The following SNX2 variants were observed in gnomAD, a reference collection of about 807,000 sequenced individuals.
SNX2 encodes the protein sorting nexin 2.
SNX2 carries 25 observed loss-of-function variants against 69.9 expected under a neutral mutation model. That is an observed-to-expected ratio of 0.36 (90% CI 0.26 to 0.50). The LOEUF (loss-of-function observed/expected upper bound fraction) is 0.50, where lower values mean the gene tolerates loss of function less well. Ranked by LOEUF, SNX2 falls within the 20% of genes least tolerant of loss-of-function variation. The pLI, the probability that SNX2 is intolerant of heterozygous loss-of-function variation, is 0.97. For missense variants in SNX2, 551 were observed against 613.3 expected (o/e 0.90, Z 1.07); for synonymous variants, 229 against 200.4 (o/e 1.14, Z -1.20).
At position 122,799,619 on chromosome 5, in the gene SNX2, C is replaced by T. The variant is rs1393608659; in HGVS notation, c.227-73C>T. On this transcript the variant is annotated intron_variant, in intron 2 of 14. Transcript: ENST00000379516. Reference sequence around the variant, plus strand: ...TAATATAAAAATATTTTTTATAATCCATTAACTGCTATGTAGAATATTGGG... The same window carrying T: ...TAATATAAAAATATTTTTTATAATCTATTAACTGCTATGTAGAATATTGGG... 8 of 858,350 alleles carry T rather than the reference C, an allele frequency of 9.3e-6. No homozygotes were observed. The South Asian group carries it at 1.3e-4, about 14-fold the overall frequency. 53.2% of individuals were successfully genotyped at this position (858,350 alleles called of 1,614,324 possible). A position where few individuals can be genotyped will look rare whatever the true frequency, so the allele number is the denominator to read the frequency against.
intron 1 of SNX2, among the ~76,000 whole-genome samples, chr5:122,785,271 GT>G (rs970562085): frequency 6.7e-6 from 1 of 148,946 alleles, no homozygotes. Flanking sequence ...TGCTCTTCTA[GT>G]TTTTTTTTGT....
chr5:122,795,267 C>T lies in SNX2; in HGVS notation c.110C>T (p.Ser37Leu), dbSNP rs1248876433. 1 of 1,606,948 alleles carries T rather than the reference C, an allele frequency of 6.2e-7. No homozygotes were observed. The highest frequency in any genetic ancestry group is 8.5e-7 in the Non-Finnish European group (1 of 1,173,982). Residue 37 changes from serine (S) to leucine (L), a missense_variant and splice_region_variant, in exon 2 of 15, where the codon TCA becomes TTA. By Grantham distance (145) the Ser-to-Leu change is moderately radical (BLOSUM62 -2). Around this residue, in one of 2 missense-constraint regions of SNX2, gnomAD observed 191 missense variants for 162.9 expected, o/e 1.17. Coordinates refer to ENST00000379516, the MANE Select transcript of SNX2 (RefSeq NM_003100.4). ...CCTATTATTGTTCTTTTTTAACAGT[C>T]AAGTCCATCATCTCCAGAACCAGCT... ...LFTSTVSTLESSPSSPEPASL... is the reference protein window; with the variant it reads ...LFTSTVSTLELSPSSPEPASL...
At chr5:122,789,484 C>CACAG (rs763527744) in intron 1 of SNX2, among the ~76,000 whole-genome samples, 7 of 143,054 alleles carry the variant, frequency 4.9e-5, no homozygotes, top group Admixed American at 4.8e-4. Context: ...GACACACACA[C>CACAG]ACACACACAC....
In SNX2 at chr5:122,826,033, A is replaced by G. The variant is rs755211771; in HGVS notation, c.1213-17A>G. The G allele has an allele frequency of 2.5e-6, 4 of 1,607,960 alleles. No individual in the cohort carries two copies. Among genetic ancestry groups the G allele is most frequent in the African/African-American group, 2.7e-5 (2 of 74,792 alleles). ...AATGTTACTCTTACTTAATAGCATT[A>G]TGTCATTCACTTATAGGGTGTGTTT... On this transcript the variant is annotated splice_polypyrimidine_tract_variant and intron_variant, in intron 11 of 14. Transcript: ENST00000379516.
At chr5:122,827,667 AC>A in intron 14 of SNX2, 21 bp downstream of exon 14, 1 of 1,554,810 alleles carries the variant, frequency 6.4e-7, no homozygotes, top group Non-Finnish European at 8.8e-7. Flanking sequence ...TTTGTTTATA[AC>A]TTAAACTTCT....
At chr5:122,806,142 G>GCGCGCGCACACGCACACACACACA in intron 6 of SNX2, among the ~76,000 whole-genome samples, 1 of 130,584 alleles carries the variant, frequency 7.7e-6, no homozygotes. Flanking sequence ...ACACGCGCGC[G>GCGCGCGCACACGCACACACACACA]CACACACACA....
At position 122,806,142 on chromosome 5, in the gene SNX2, G is replaced by A. The variant is rs867601943; in HGVS notation, c.644-2135G>A. 8.8e-3 allele frequency among the ~76,000 whole-genome samples: 1,146 copies of A among 130,570 alleles called. 17 individuals are homozygous for A. Among genetic ancestry groups the A allele is most frequent in the African/African-American group, 0.031 (1,077 of 34,466 alleles). The allele number at this position is 130,570 out of a possible 152,430, so 85.7% of individuals were successfully genotyped here. ...TGTGTATATATATACACACGCGCGCGCACACACACACACACACACACACAC... is the reference window on the plus strand; with the variant it reads ...TGTGTATATATATACACACGCGCGCACACACACACACACACACACACACAC... On this transcript the variant is annotated intron_variant, in intron 6 of 14. Transcript: ENST00000379516.
At chr5:122,818,524 G>C (rs886554992) in intron 10 of SNX2, among the ~76,000 whole-genome samples, 1 of 152,158 alleles carries the variant, frequency 6.6e-6, no homozygotes, top group Non-Finnish European at 1.5e-5. Flanking sequence ...CAGAGAAACA[G>C]TGAACACTGT....
chr5:122,791,075 C>A (rs1378962356), intron 1 of SNX2, among the ~76,000 whole-genome samples: 2 of 151,342 alleles, frequency 1.3e-5, no homozygotes, highest in African/African-American at 4.9e-5. Context: ...GATATTGGAG[C>A]CACTCTGCCA....
chr5:122,815,858 T>G, intron 7 of SNX2, 38 bp from the exon 8 acceptor site: 1 of 1,096,256 alleles, frequency 9.1e-7, no homozygotes, highest in Non-Finnish European at 1.3e-6. Flanking sequence ...TAATTCAAGA[T>G]GCTACTGATA....
intron 1 of SNX2, among the ~76,000 whole-genome samples, 156 bp from the exon 2 acceptor site, chr5:122,795,110 G>C (rs189339648): frequency 6.6e-6 from 1 of 152,270 alleles, no homozygotes; most frequent in Admixed American, 6.5e-5. Context: ...TGTGTTATTA[G>C]TTCATTCTTA....
chr5:122,794,503 G>C (rs1753331298), intron 1 of SNX2, among the ~76,000 whole-genome samples: 1 of 152,152 alleles, frequency 6.6e-6, no homozygotes, highest in East Asian at 1.9e-4. Context: ...CATGTTTTCA[G>C]GATCTGTTGA....
At chr5:122,802,050 T>A in intron 4 of SNX2, 31 bp from the exon 5 acceptor site, 1 of 1,599,916 alleles carries the variant, frequency 6.3e-7, no homozygotes, top group South Asian at 1.1e-5. Context: ...ATGCATGTGA[T>A]TTTAATAGTA....
At chr5:122,787,363 TA>T (rs1346799135) in intron 1 of SNX2, among the ~76,000 whole-genome samples, 1 of 151,810 alleles carries the variant, frequency 6.6e-6, no homozygotes, top group Non-Finnish European at 1.5e-5. Flanking sequence ...CTACAAAAAA[TA>T]AAAAAATTAG....
chr5:122,783,237 G>A (rs1210815414), intron 1 of SNX2, among the ~76,000 whole-genome samples: 4 of 152,028 alleles, frequency 2.6e-5, no homozygotes, highest in South Asian at 2.1e-4. Context: ...GAGCCACCGC[G>A]CCTGCCCAGT....
intron 1 of SNX2, among the ~76,000 whole-genome samples, chr5:122,782,584 A>G (rs945961528): frequency 1.1e-4 from 16 of 148,146 alleles, no homozygotes; most frequent in South Asian, 2.2e-4. Context: ...TGCCCAGGCT[A>G]GAGAGCAGTT....
chr5:122,814,232 T>C (rs1000787995), intron 7 of SNX2, among the ~76,000 whole-genome samples: 2 of 152,224 alleles, frequency 1.3e-5, no homozygotes, highest in African/African-American at 2.4e-5. Flanking sequence ...AAATAACTTA[T>C]CTGATATATT....
intron 14 of SNX2, among the ~76,000 whole-genome samples, chr5:122,828,906 G>T (rs1024473761): frequency 5.9e-5 from 9 of 152,036 alleles, no homozygotes; most frequent in Non-Finnish European, 1.0e-4. Context: ...ATCACCTGAG[G>T]TCAGGAGTTT....
chr5:122,813,321 T>C (rs947399568), intron 7 of SNX2, among the ~76,000 whole-genome samples: 2 of 152,142 alleles, frequency 1.3e-5, no homozygotes, highest in African/African-American at 2.4e-5. Context: ...GAGAAACATA[T>C]ATATAAACTA....
Sources: gnomAD v4.1 joint callset for allele counts (sites outside exome capture counted in the v4.1 genomes callset) on GRCh38, gnomAD v4.1.1 for gene constraint, gnomAD v4.1.1 regional missense constraint, MANE v1.5 for transcripts, NCBI Gene and HGNC (gene_info 2026-07-23, HGNC 2026-07-21) for gene names.